FAM118A: variants seen among roughly 807,000 people sequenced by gnomAD.
FAM118A encodes the protein SIR2 antiphage like 2, also known as protein FAM118A.
FAM118A carries 25 observed loss-of-function variants against 38.2 expected under a neutral mutation model. The ratio of observed to expected loss-of-function variants is 0.65; its 90% confidence interval spans 0.48 to 0.91. FAM118A has a LOEUF of 0.91. Ranked by LOEUF, FAM118A falls within the 40% of genes least tolerant of loss-of-function variation. The pLI, the probability that FAM118A is intolerant of heterozygous loss-of-function variation, is 0.00. For missense variants in FAM118A, 425 were observed against 463.3 expected, an observed-to-expected ratio of 0.92 and a Z score of 0.76; for synonymous variants, 178 against 184.1, an observed-to-expected ratio of 0.97 and a Z score of 0.27.
intron 2 of FAM118A, among the ~76,000 whole-genome samples, chr22:45,322,674 G>A (rs1368599243): frequency 6.6e-6 from 1 of 152,230 alleles, no homozygotes; most frequent in Non-Finnish European, 1.5e-5. Context: ...AGAACTGGGA[G>A]TGTCAGGCTT....
rs781502525 is a variant in FAM118A, at chr22:45,340,422, C to T, written c.*17C>T. On this transcript the variant is annotated 3_prime_UTR_variant, in exon 9 of 9. Coordinates refer to ENST00000441876, the MANE Select transcript of FAM118A (RefSeq NM_017911.4). ...GGGTCTTGAAATCTTTACAGTAAAACCTGCAACTTGAAAACTAGCCTTCTG... is the reference window on the plus strand; with the variant it reads ...GGGTCTTGAAATCTTTACAGTAAAATCTGCAACTTGAAAACTAGCCTTCTG... 3.7e-6 allele frequency: 6 copies of T among 1,614,024 alleles called. No individual in the cohort carries two copies. In the South Asian group the frequency reaches 6.6e-5, roughly 18 times the overall value.
intron 4 of FAM118A, chr22:45,329,654 GGGGCAGGGCCGCCTGAGGGGAGC>G (rs1267046272): frequency 1.3e-5 from 2 of 152,360 alleles, no homozygotes; most frequent in Admixed American, 6.5e-5. Flanking sequence ...AGTGTACACG[GGGGCAGGGCCGCCTGAGGGGAGC>G]GGGCAGGGCC....
chr22:45,319,840 G>A (rs149987831), intron 1 of FAM118A, among the ~76,000 whole-genome samples: 49 of 152,248 alleles, frequency 3.2e-4, no homozygotes, highest in African/African-American at 1.1e-3. Flanking sequence ...GCCCCAGCCC[G>A]GACTCTGCCA....
chr22:45,337,088 T>G (rs1470537087), intron 8 of FAM118A, among the ~76,000 whole-genome samples: 4 of 152,204 alleles, frequency 2.6e-5, no homozygotes, highest in African/African-American at 9.7e-5. Flanking sequence ...GTGCTGTGTG[T>G]TATTTCTCAT....
At chr22:45,317,942 G>T (rs1182709353) in intron 1 of FAM118A, among the ~76,000 whole-genome samples, 3 of 152,230 alleles carry the variant, frequency 2.0e-5, no homozygotes, top group African/African-American at 7.2e-5. Flanking sequence ...CCTGGAGTCT[G>T]TGAGGGGCTG....
In FAM118A at chr22:45,340,537, A is replaced by G. The variant is rs1005569599; in HGVS notation, c.*132A>G. The G allele has an allele frequency of 9.1e-7, 1 of 1,103,266 alleles. No homozygotes were observed. Among genetic ancestry groups the G allele is most frequent in the Non-Finnish European group, 1.4e-6 (1 of 722,366 alleles). 68.3% of individuals were successfully genotyped at this position (1,103,266 alleles called of 1,614,324 possible). ...CCGTCACATACACCAAGAGAGCCAC[A>G]TGGGCATGTGGCCCTCAAGGCTGGG... On this transcript the variant is annotated 3_prime_UTR_variant, in exon 9 of 9. Transcript: ENST00000441876.
chr22:45,309,458 G>C (rs1258698792), upstream of FAM118A: 1 of 152,426 alleles, frequency 6.6e-6, no homozygotes, highest in Non-Finnish European at 1.5e-5. Context: ...CAATTTAAGC[G>C]GGCAGGAGTC....
chr22:45,313,089 C>T (rs1483563186), intron 1 of FAM118A, among the ~76,000 whole-genome samples: 1 of 152,056 alleles, frequency 6.6e-6, no homozygotes, highest in Non-Finnish European at 1.5e-5. Flanking sequence ...CGTCAATCAG[C>T]TCATTAGCAT....
intron 1 of FAM118A, among the ~76,000 whole-genome samples, chr22:45,311,366 G>T (rs894044832): frequency 2.6e-5 from 4 of 152,218 alleles, no homozygotes; most frequent in African/African-American, 9.6e-5. Flanking sequence ...GCTCCCGGAG[G>T]CCCACCGTGC....
chr22:45,335,848 ATG>A (rs1168085584), intron 7 of FAM118A, among the ~76,000 whole-genome samples: 1 of 152,140 alleles, frequency 6.6e-6, no homozygotes, highest in African/African-American at 2.4e-5. Context: ...TATAAATTTA[ATG>A]AGACTCGGTG....
chr22:45,334,446 T>G (rs2085945195), intron 6 of FAM118A, among the ~76,000 whole-genome samples: 1 of 152,222 alleles, frequency 6.6e-6, no homozygotes, highest in African/African-American at 2.4e-5. Context: ...ACCACTATCA[T>G]TTCTTTTCAG....
intron 1 of FAM118A, among the ~76,000 whole-genome samples, chr22:45,320,781 G>T (rs1251046708): frequency 6.6e-6 from 1 of 152,192 alleles, no homozygotes; most frequent in East Asian, 1.9e-4. Context: ...GGCAAAGCGA[G>T]CACTGACGTG....
intron 8 of FAM118A, among the ~76,000 whole-genome samples, chr22:45,338,838 C>T (rs1161599215): frequency 6.6e-6 from 1 of 152,218 alleles, no homozygotes; most frequent in Admixed American, 6.5e-5. Context: ...CATGTCCCTG[C>T]ACGTTCCTTC....
intron 1 of FAM118A, among the ~76,000 whole-genome samples, chr22:45,316,039 G>GTGATT (rs934222045): frequency 2.0e-5 from 3 of 152,180 alleles, no homozygotes; most frequent in African/African-American, 7.2e-5. Context: ...CTGTTGCTCA[G>GTGATT]TGATTTGATT....
At chr22:45,332,295 CT>C in intron 5 of FAM118A, 129 bp from the exon 6 acceptor site, 1 of 911,106 alleles carries the variant, frequency 1.1e-6, no homozygotes, top group Non-Finnish European at 1.7e-6. Context: ...TCTAACTGTG[CT>C]CCTCAGCGTG....
intron 1 of FAM118A, among the ~76,000 whole-genome samples, chr22:45,313,017 C>CTAATCCT (rs1455731454): frequency 9.9e-5 from 15 of 152,174 alleles, no homozygotes; most frequent in African/African-American, 3.4e-4. Context: ...TTCCAAGGAT[C>CTAATCCT]TAATCCTGCC....
intron 3 of FAM118A, among the ~76,000 whole-genome samples, chr22:45,323,709 A>G (rs1239018631): frequency 6.6e-6 from 1 of 152,196 alleles, no homozygotes; most frequent in Non-Finnish European, 1.5e-5. Context: ...CTCAGTATGA[A>G]CTTTGTGATT....
intron 3 of FAM118A, among the ~76,000 whole-genome samples, chr22:45,323,910 C>A (rs1181446412): frequency 6.6e-6 from 1 of 152,224 alleles, no homozygotes; most frequent in Non-Finnish European, 1.5e-5. Context: ...AGGAGCTATT[C>A]CTGAGCGAGG....
At chr22:45,311,103 G>A (rs901305821) in intron 1 of FAM118A, among the ~76,000 whole-genome samples, 6 of 152,150 alleles carry the variant, frequency 3.9e-5, no homozygotes, top group Non-Finnish European at 7.3e-5. Context: ...TCTGGGAAGG[G>A]GTGGGTGTTA....
Sources: allele counts gnomAD v4.1 joint callset (sites outside exome capture counted in the v4.1 genomes callset), GRCh38; gene constraint gnomAD v4.1.1; transcripts MANE v1.5; gene names NCBI Gene and HGNC (gene_info 2026-07-23, HGNC 2026-07-21).